ASTN2: variants seen among roughly 807,000 people sequenced by gnomAD.
ASTN2 encodes the protein astrotactin-2.
In ASTN2, 54 loss-of-function variants were observed where a neutral mutation model predicts 139.8. That is an observed-to-expected ratio of 0.39 (90% CI 0.31 to 0.48). The LOEUF (loss-of-function observed/expected upper bound fraction) is 0.48. Ranked by LOEUF, ASTN2 falls within the 20% of genes least tolerant of loss-of-function variation. The pLI is 0.95. For synonymous variants in ASTN2, 756 were observed against 719.5 expected, an observed-to-expected ratio of 1.05 and a Z score of -0.81; for missense variants, 1,565 against 1,725.1, an observed-to-expected ratio of 0.91 and a Z score of 1.64.
At chr9:116,460,622 T>C (rs1428407135) in intron 20 of ASTN2, among the ~76,000 whole-genome samples, 1 of 152,302 alleles carries the variant, frequency 6.6e-6, no homozygotes, top group Non-Finnish European at 1.5e-5. Context: ...CTTAAGTGAA[T>C]AGCTATGGCT....
At chr9:116,709,492 G>A (rs567317985) in intron 16 of ASTN2, among the ~76,000 whole-genome samples, 4 of 152,252 alleles carry the variant, frequency 2.6e-5, no homozygotes, top group East Asian at 1.9e-4. Flanking sequence ...AACTTTATGC[G>A]GTCCTTTTAG....
At chr9:117,297,768 C>G (rs1290675903) in intron 1 of ASTN2, among the ~76,000 whole-genome samples, 1 of 152,184 alleles carries the variant, frequency 6.6e-6, no homozygotes, top group East Asian at 1.9e-4. Context: ...AGAACTATAG[C>G]TTTTTCTAAA....
At chr9:117,094,136 A>AAGGGAGGG (rs1290254334) in intron 5 of ASTN2, among the ~76,000 whole-genome samples, 2 of 21,938 alleles carry the variant, frequency 9.1e-5, no homozygotes, top group African/African-American at 1.8e-4. Context: ...GGGAGGGACT[A>AAGGGAGGG]AGGGAGGGAG....
chr9:116,713,334 A>G (rs1828221433), intron 16 of ASTN2, among the ~76,000 whole-genome samples: 1 of 152,122 alleles, frequency 6.6e-6, no homozygotes, highest in African/African-American at 2.4e-5. Flanking sequence ...AAAGGACCCT[A>G]AAGAGGAAAG....
chr9:117,327,232 C>T (rs1424429697), intron 1 of ASTN2, among the ~76,000 whole-genome samples: 1 of 152,118 alleles, frequency 6.6e-6, no homozygotes, highest in Non-Finnish European at 1.5e-5. Context: ...ATCTGGTTCC[C>T]ACCAGGCCAT....
chr9:116,799,119 G>A (rs1248001424), intron 13 of ASTN2, among the ~76,000 whole-genome samples: 1 of 149,472 alleles, frequency 6.7e-6, no homozygotes, highest in Non-Finnish European at 1.5e-5. Flanking sequence ...GGGAAAGAAG[G>A]TTTCAGAAGC....
At chr9:117,088,460 A>G (rs1314325641) in intron 5 of ASTN2, among the ~76,000 whole-genome samples, 3 of 152,174 alleles carry the variant, frequency 2.0e-5, no homozygotes, top group African/African-American at 7.2e-5. Context: ...CTCTGCAGAT[A>G]TGACTTGAAC....
chr9:117,052,107 G>A (rs1838927345), intron 5 of ASTN2, among the ~76,000 whole-genome samples: 2 of 152,200 alleles, frequency 1.3e-5, no homozygotes, highest in African/African-American at 4.8e-5. Context: ...TTCTTCATCT[G>A]TAAAATGGGA....
intron 12 of ASTN2, among the ~76,000 whole-genome samples, chr9:116,816,880 C>A (rs1831343599): frequency 1.2e-5 from 1 of 82,318 alleles, no homozygotes; most frequent in African/African-American, 4.1e-5. Flanking sequence ...ATTCCTTTCC[C>A]TTGTAGGTAG....
intron 19 of ASTN2, among the ~76,000 whole-genome samples, chr9:116,565,747 G>A (rs1369883083): frequency 6.6e-6 from 1 of 151,774 alleles, no homozygotes; most frequent in Non-Finnish European, 1.5e-5. Context: ...CCTCCCAAAG[G>A]GCTGGGATTA....
chr9:116,832,766 G>T (rs1448528470), intron 11 of ASTN2, among the ~76,000 whole-genome samples: 1 of 151,812 alleles, frequency 6.6e-6, no homozygotes, highest in East Asian at 1.9e-4. Flanking sequence ...TTAATATTTT[G>T]TTAAGGATTT....
intron 20 of ASTN2, among the ~76,000 whole-genome samples, chr9:116,485,380 C>A (rs539864273): frequency 1.3e-5 from 2 of 152,292 alleles, no homozygotes; most frequent in South Asian, 4.2e-4. Context: ...GGGGAGAAAC[C>A]AGAAGCCATC....
intron 1 of ASTN2, among the ~76,000 whole-genome samples, chr9:117,413,572 G>A (rs1048391077): frequency 6.6e-6 from 1 of 152,172 alleles, no homozygotes; most frequent in Non-Finnish European, 1.5e-5. Flanking sequence ...ACCCGGGTGG[G>A]AAATCAGCTG....
intron 13 of ASTN2, among the ~76,000 whole-genome samples, chr9:116,783,160 T>C (rs1483464988): frequency 6.6e-6 from 1 of 152,082 alleles, no homozygotes; most frequent in Non-Finnish European, 1.5e-5. Context: ...CCTCGAACAG[T>C]GGTTAAAATT....
chr9:117,325,811 T>C (rs1828495142), intron 1 of ASTN2, among the ~76,000 whole-genome samples: 1 of 152,164 alleles, frequency 6.6e-6, no homozygotes, highest in Non-Finnish European at 1.5e-5. Context: ...AGTGGAAATA[T>C]GCATTTCAGA....
At chr9:117,049,844 C>G (rs16934254) in intron 5 of ASTN2, among the ~76,000 whole-genome samples, 2 of 151,868 alleles carry the variant, frequency 1.3e-5, no homozygotes, top group Non-Finnish European at 2.9e-5. Flanking sequence ...AGCAGGCTGA[C>G]GAAATGCATT....
chr9:116,798,204 T>C (rs1038453747), intron 13 of ASTN2, among the ~76,000 whole-genome samples: 1 of 152,198 alleles, frequency 6.6e-6, no homozygotes, highest in Non-Finnish European at 1.5e-5. Context: ...CCAGGAGGCA[T>C]AGGTTGCAGT....
intron 10 of ASTN2, among the ~76,000 whole-genome samples, chr9:116,883,497 C>T (rs1045883878): frequency 1.2e-4 from 18 of 152,192 alleles, no homozygotes; most frequent in Admixed American, 1.1e-3. Flanking sequence ...TCCCTCTTTC[C>T]TCACACACAC....
chr9:117,396,973 G>A (rs1290494292), intron 1 of ASTN2, among the ~76,000 whole-genome samples: 5 of 133,672 alleles, frequency 3.7e-5, no homozygotes, highest in South Asian at 2.4e-4. Context: ...GGGGAGTCTC[G>A]CTTTGTCACC....
Sources: allele counts gnomAD v4.1 joint callset (sites outside exome capture counted in the v4.1 genomes callset), GRCh38; gene constraint gnomAD v4.1.1; transcripts MANE v1.5; gene names NCBI Gene and HGNC (gene_info 2026-07-23, HGNC 2026-07-21).